RAPGEF2: variants seen among roughly 807,000 people sequenced by gnomAD.
The protein encoded by RAPGEF2 is Rap guanine nucleotide exchange factor 2, also known as PDZ domain containing guanine nucleotide exchange factor (GEF) 1.
A neutral mutation model predicts 186.7 loss-of-function variants in RAPGEF2; 54 were observed. The ratio of observed to expected loss-of-function variants is 0.29; its 90% CI spans 0.23 to 0.36. The LOEUF (loss-of-function observed/expected upper bound fraction) is 0.36, where lower values mean the gene tolerates loss of function less well. RAPGEF2 is among the 10% of genes least tolerant of loss of function. The probability of loss-of-function intolerance (pLI) is 1.00; values close to 1 mark genes in which losing one functional copy is unlikely to be tolerated. For synonymous variants in RAPGEF2, 712 were observed against 705.9 expected (o/e 1.01, Z -0.14); for missense variants, 1,532 against 2,045.0 (o/e 0.75, Z 4.84).
At chr4:159,323,748 T>A in intron 11 of RAPGEF2, 131 bp downstream of exon 11, 6 of 466,466 alleles carry the variant, frequency 1.3e-5, no homozygotes, top group Non-Finnish European at 1.9e-5. Flanking sequence ...AGACAGAGTA[T>A]TGTTCTGTCA....
intron 7 of RAPGEF2, among the ~76,000 whole-genome samples, chr4:159,254,354 A>G (rs539723557): frequency 9.2e-5 from 14 of 152,352 alleles, no homozygotes; most frequent in Middle Eastern, 3.4e-3. Flanking sequence ...TGTCATAATG[A>G]AAACATAGTT....
chr4:159,353,489 C>T lies in RAPGEF2; in HGVS notation c.4094C>T (p.Ser1365Phe). 6.8e-7 allele frequency: 1 copy of T among 1,469,806 alleles called. No individual in the cohort carries two copies. Among genetic ancestry groups the T allele is most frequent in the Non-Finnish European group, 9.0e-7 (1 of 1,110,672 alleles). 91.0% of individuals were successfully genotyped at this position (1,469,806 alleles called of 1,614,324 possible). The change falls in exon 28 of 30, where the codon TCC becomes TTC. Residue 1365 changes from serine to phenylalanine, a missense_variant and splice_region_variant. Transcript: ENST00000691494. This position sits in a 1 kb window ranked among gnomAD's most constrained non-coding sequence, Gnocchi z 4.3. ...MIEPDQYSLG[S>F]YAPMSEGRGL... ...TTCCATTTCTTTTAACCACTTAGGT[C>T]CTATGCACCAATGTCCGAGGGCCGA...
chr4:159,225,449 G>A lies in RAPGEF2; in HGVS notation c.282-13360G>A, dbSNP rs182938198. Among the ~76,000 whole-genome samples the A allele has an allele frequency of 4.3e-4, 66 of 152,262 alleles. No homozygotes were observed. The Middle Eastern group carries it at 0.01, about 24-fold the overall frequency. On this transcript the variant is annotated intron_variant, in intron 4 of 29. Coordinates refer to ENST00000691494, the MANE Select transcript of RAPGEF2 (RefSeq NM_001394067.2). ...TATTTTGGCTTCTACGAATATTCAC[G>A]AATGTCTGTTTGTGTGGGTGTATGC...
chr4:159,343,206 A>G lies in RAPGEF2; in HGVS notation c.3130+16A>G. The G allele has an allele frequency of 1.9e-6, 3 of 1,614,030 alleles. No homozygotes were observed. The highest frequency in any genetic ancestry group is 2.5e-6 in the Non-Finnish European group (3 of 1,179,896). The stretch of plus-strand genomic sequence containing the variant: ...CTTCACGAAGGTAAACATAAGGCAG[A>G]GGGTTTCCATCTTTGCTTGAAGAAG... On this transcript the variant is annotated intron_variant, in intron 21 of 29. Coordinates refer to ENST00000691494, the MANE Select transcript of RAPGEF2 (RefSeq NM_001394067.2).
chr4:159,108,149 A>G (rs1738081189), intron 1 of RAPGEF2, among the ~76,000 whole-genome samples: 1 of 152,238 alleles, frequency 6.6e-6, no homozygotes, highest in African/African-American at 2.4e-5. Flanking sequence ...GTGACTTTGA[A>G]CAAATGAGGA....
chr4:159,348,234 AGATAGATAGATGGATGGATG>A (rs1340656835), intron 25 of RAPGEF2, among the ~76,000 whole-genome samples: 2 of 131,196 alleles, frequency 1.5e-5, no homozygotes, highest in African/African-American at 5.9e-5. Context: ...ATAGATAGAT[AGATAGATAGATGGATGGATG>A]GATGGATGGA....
intron 7 of RAPGEF2, among the ~76,000 whole-genome samples, chr4:159,298,748 A>C (rs911959384): frequency 6.6e-6 from 1 of 152,094 alleles, no homozygotes; most frequent in Non-Finnish European, 1.5e-5. Context: ...TTCTGGGAAT[A>C]GCTCAATAAT....
chr4:159,252,168 C>T (rs1306098017), intron 7 of RAPGEF2, among the ~76,000 whole-genome samples: 2 of 152,156 alleles, frequency 1.3e-5, no homozygotes, highest in Non-Finnish European at 1.5e-5. Flanking sequence ...TTAAGAGATC[C>T]TCCCACCTCA....
intron 3 of RAPGEF2, among the ~76,000 whole-genome samples, chr4:159,200,668 T>TA (rs1749305738): frequency 6.6e-6 from 1 of 152,186 alleles, no homozygotes; most frequent in Non-Finnish European, 1.5e-5. Context: ...TTATTGATCT[T>TA]ACTGACTTTT....
chr4:159,217,171 AATTTTGATTTTG>A (rs1421439636), intron 4 of RAPGEF2, among the ~76,000 whole-genome samples: 1 of 151,980 alleles, frequency 6.6e-6, no homozygotes, highest in African/African-American at 2.4e-5. Flanking sequence ...TATTTATTTT[AATTTTGATTTTG>A]ATTTTAGATT....
At chr4:159,267,183 G>T in intron 7 of RAPGEF2, 1 of 1,287,144 alleles carries the variant, frequency 7.8e-7, no homozygotes, top group South Asian at 1.2e-5. Context: ...CTTGCTTTCT[G>T]CAGGAAGCAG....
intron 25 of RAPGEF2, 58 bp from the exon 26 acceptor site, chr4:159,350,079 T>G: frequency 8.1e-7 from 1 of 1,238,454 alleles, no homozygotes; most frequent in Non-Finnish European, 1.1e-6. Flanking sequence ...TATTCATAAA[T>G]GGTGTTTATT....
At chr4:159,234,028 T>C (rs1238290926) in intron 4 of RAPGEF2, among the ~76,000 whole-genome samples, 1 of 152,144 alleles carries the variant, frequency 6.6e-6, no homozygotes, top group Non-Finnish European at 1.5e-5. Context: ...GACCAGCTTT[T>C]TCATTTCTGT....
intron 3 of RAPGEF2, among the ~76,000 whole-genome samples, chr4:159,204,208 C>T (rs897933805): frequency 2.6e-5 from 4 of 152,158 alleles, no homozygotes; most frequent in African/African-American, 9.7e-5. Context: ...TACAGAAAAA[C>T]ATAAAACAAT....
chr4:159,290,237 C>G (rs1448424225), intron 7 of RAPGEF2, among the ~76,000 whole-genome samples: 1 of 152,148 alleles, frequency 6.6e-6, no homozygotes, highest in African/African-American at 2.4e-5. Context: ...TTTTTAAGTT[C>G]TGGGTTTTCC....
intron 1 of RAPGEF2, among the ~76,000 whole-genome samples, chr4:159,145,161 G>A (rs1161965201): frequency 3.3e-5 from 5 of 151,878 alleles, no homozygotes; most frequent in African/African-American, 7.3e-5. Context: ...GATTACAGCC[G>A]TGAGCCACTG....
intron 7 of RAPGEF2, among the ~76,000 whole-genome samples, chr4:159,248,032 G>C (rs1431357799): frequency 6.6e-6 from 1 of 152,046 alleles, no homozygotes; most frequent in Non-Finnish European, 1.5e-5. Flanking sequence ...AAAGTGCTGG[G>C]ATTACAGGCG....
intron 1 of RAPGEF2, among the ~76,000 whole-genome samples, chr4:159,155,187 T>C (rs1046630269): frequency 3.3e-5 from 5 of 152,304 alleles, no homozygotes; most frequent in African/African-American, 1.2e-4. Context: ...CCTTAAACTA[T>C]AGTGAGGAGA....
intron 17 of RAPGEF2, among the ~76,000 whole-genome samples, chr4:159,337,724 C>T (rs1579994977): frequency 6.6e-6 from 1 of 150,738 alleles, no homozygotes; most frequent in African/African-American, 2.4e-5. Context: ...CCCATCTCTA[C>T]TCAAAATACA....
Sources: gnomAD v4.1 joint callset for allele counts (sites outside exome capture counted in the v4.1 genomes callset) on GRCh38, gnomAD v4.1.1 for gene constraint, Gnocchi (gnomAD v3.1) non-coding constraint, MANE v1.5 for transcripts, NCBI Gene and HGNC (gene_info 2026-07-23, HGNC 2026-07-21) for gene names.